Variants in CNTLN observed in about 807,000 individuals in gnomAD.
CNTLN encodes the protein centlein, also known as centlein, centrosomal protein.
In CNTLN, 212 loss-of-function variants were observed where a neutral mutation model predicts 180.0. The ratio of observed to expected loss-of-function variants is 1.18; its 90% CI spans 1.05 to 1.32. CNTLN has a LOEUF of 1.32. Ranked by LOEUF, CNTLN falls within the 40% of genes most tolerant of loss-of-function variation. The probability of loss-of-function intolerance (pLI) is 0.00; values close to 1 mark genes in which losing one functional copy is unlikely to be tolerated. For synonymous variants in CNTLN, 722 were observed against 563.1 expected (o/e 1.28, Z -3.99); for missense variants, 2,095 against 1,610.9 (o/e 1.30, Z -5.14).
chr9:17,448,656 A>T (rs1192407311), intron 18 of CNTLN: 2 of 152,010 alleles, frequency 1.3e-5, no homozygotes, highest in Non-Finnish European at 2.9e-5. Flanking sequence ...TGTTAACATC[A>T]CCCTGAAACA....
At chr9:17,255,969 T>C (rs772118622) in intron 5 of CNTLN, among the ~76,000 whole-genome samples, 10 of 151,940 alleles carry the variant, frequency 6.6e-5, no homozygotes, top group Non-Finnish European at 1.3e-4. Flanking sequence ...ACAGATTTTT[T>C]AGAATACAGT....
chr9:17,238,307 C>G (rs1431902174), intron 5 of CNTLN, among the ~76,000 whole-genome samples: 1 of 152,082 alleles, frequency 6.6e-6, no homozygotes, highest in Non-Finnish European at 1.5e-5. Flanking sequence ...CAAAGTTTTT[C>G]CCACCCTAAA....
chr9:17,401,170 A>T (rs1338430993), intron 15 of CNTLN, among the ~76,000 whole-genome samples: 1 of 152,148 alleles, frequency 6.6e-6, no homozygotes, highest in Non-Finnish European at 1.5e-5. Context: ...AGAACTTTGC[A>T]TATAGTTAGT....
At chr9:17,370,241 G>T (rs1263714798) in intron 13 of CNTLN, among the ~76,000 whole-genome samples, 1 of 152,068 alleles carries the variant, frequency 6.6e-6, no homozygotes, top group Non-Finnish European at 1.5e-5. Context: ...ACCCAAAAAA[G>T]ACAACCTGAA....
chr9:17,318,201 T>G (rs1819660777), intron 8 of CNTLN, among the ~76,000 whole-genome samples: 1 of 151,850 alleles, frequency 6.6e-6, no homozygotes, highest in Non-Finnish European at 1.5e-5. Context: ...CTAATTTTTT[T>G]TGTATTTTTA....
At chr9:17,178,716 C>T (rs1475835965) in intron 2 of CNTLN, among the ~76,000 whole-genome samples, 5 of 152,034 alleles carry the variant, frequency 3.3e-5, no homozygotes, top group Non-Finnish European at 5.9e-5. Context: ...CCGGAATTCA[C>T]GCTGGCCCAC....
chr9:17,155,010 C>A (rs1819169320), intron 2 of CNTLN, among the ~76,000 whole-genome samples: 1 of 152,156 alleles, frequency 6.6e-6, no homozygotes, highest in African/African-American at 2.4e-5. Context: ...GTCAGCAAGA[C>A]CACGAACCAC....
chr9:17,257,606 G>A (rs1288936349), intron 5 of CNTLN, among the ~76,000 whole-genome samples: 2 of 151,276 alleles, frequency 1.3e-5, no homozygotes, highest in African/African-American at 4.9e-5. Flanking sequence ...GTGTAAAAGT[G>A]TTCCTATTTC....
intron 8 of CNTLN, among the ~76,000 whole-genome samples, chr9:17,316,179 A>G (rs1746707947): frequency 6.6e-6 from 1 of 151,760 alleles, no homozygotes; most frequent in South Asian, 2.1e-4. Flanking sequence ...TTCTTTTATC[A>G]TTATAAAATG....
chr9:17,312,865 T>G (rs1819299064), intron 8 of CNTLN, among the ~76,000 whole-genome samples: 1 of 152,152 alleles, frequency 6.6e-6, no homozygotes. Context: ...TTCAGATCTT[T>G]TATGTCTTTA....
intron 12 of CNTLN, among the ~76,000 whole-genome samples, chr9:17,344,723 GTTTGT>G (rs2133234936): frequency 6.6e-6 from 1 of 152,280 alleles, no homozygotes; most frequent in Non-Finnish European, 1.5e-5. Flanking sequence ...AGTCATTCAA[GTTTGT>G]TTTGAGGACA....
intron 23 of CNTLN, among the ~76,000 whole-genome samples, chr9:17,473,159 A>G (rs1263095613): frequency 1.3e-5 from 2 of 152,208 alleles, no homozygotes; most frequent in Admixed American, 1.3e-4. Flanking sequence ...TTAAACAGAT[A>G]ACCAAGAACT....
intron 18 of CNTLN, among the ~76,000 whole-genome samples, chr9:17,452,602 G>C (rs763663633): frequency 6.6e-6 from 1 of 152,160 alleles, no homozygotes; most frequent in South Asian, 2.1e-4. Flanking sequence ...TAGACCAGTA[G>C]CTACCTAAAG....
At position 17,373,779 on chromosome 9, in the gene CNTLN, A is replaced by G. The variant is rs545061908; in HGVS notation, c.1987+7062A>G. Among the ~76,000 whole-genome samples the G allele has an allele frequency of 1.4e-4, 21 of 152,320 alleles. 2 individuals carry two copies. In the East Asian group the frequency reaches 3.9e-3, roughly 28 times the overall value. On this transcript the variant is annotated intron_variant, in intron 13 of 25. Transcript: ENST00000380647. ...CAGCATGAAAATTGACACATAGACC[A>G]ATAGAACCTAACAGACAACCCAGAA...
intron 6 of CNTLN, among the ~76,000 whole-genome samples, chr9:17,296,482 T>C (rs1817946321): frequency 6.6e-6 from 1 of 152,178 alleles, no homozygotes; most frequent in African/African-American, 2.4e-5. Flanking sequence ...AAAGATGATA[T>C]GTTTTATCTT....
chr9:17,381,924 T>G (rs1399307705), intron 13 of CNTLN, among the ~76,000 whole-genome samples: 1 of 152,162 alleles, frequency 6.6e-6, no homozygotes, highest in Admixed American at 6.5e-5. Flanking sequence ...AGCATACAAT[T>G]TCTTGAGTTC....
intron 18 of CNTLN, among the ~76,000 whole-genome samples, chr9:17,416,456 GA>G (rs1828257961): frequency 6.6e-6 from 1 of 152,058 alleles, no homozygotes; most frequent in African/African-American, 2.4e-5. Flanking sequence ...TCTCATCTTT[GA>G]AATATTTTTA....
chr9:17,363,056 G>A (rs1022670678), intron 12 of CNTLN, among the ~76,000 whole-genome samples: 2 of 152,160 alleles, frequency 1.3e-5, no homozygotes, highest in African/African-American at 4.8e-5. Context: ...CCCTGCAAAG[G>A]ACATGAAGTC....
intron 5 of CNTLN, among the ~76,000 whole-genome samples, chr9:17,269,716 G>T (rs1372565675): frequency 6.6e-6 from 1 of 152,086 alleles, no homozygotes; most frequent in East Asian, 1.9e-4. Flanking sequence ...CCATTAAGAT[G>T]AATGTATATT....
Sources: gnomAD v4.1 joint callset for allele counts (sites outside exome capture counted in the v4.1 genomes callset) on GRCh38, gnomAD v4.1.1 for gene constraint, MANE v1.5 for transcripts, NCBI Gene and HGNC (gene_info 2026-07-23, HGNC 2026-07-21) for gene names.